Variants in FIGN observed in about 807,000 individuals in gnomAD.
FIGN encodes the protein fidgetin.
In FIGN, 11 loss-of-function variants were observed where a neutral mutation model predicts 51.3. The ratio of observed to expected loss-of-function variants is 0.21; its 90% confidence interval spans 0.13 to 0.35. The LOEUF (loss-of-function observed/expected upper bound fraction) is 0.35. Among genes scored for constraint, FIGN ranks in the 10% least tolerant of loss-of-function variants. The probability of loss-of-function intolerance (pLI) is 1.00; values close to 1 mark genes in which losing one functional copy is unlikely to be tolerated. For synonymous variants in FIGN, 407 were observed against 363.2 expected (o/e 1.12, Z -1.37); for missense variants, 857 against 943.6 (o/e 0.91, Z 1.20).
intron 2 of FIGN, among the ~76,000 whole-genome samples, chr2:163,676,434 AATATATATATATATATATATATATAT>A (rs202072418): frequency 0.063 from 4,183 of 65,876 alleles, 431 homozygotes; most frequent in East Asian, 0.44. Flanking sequence ...GGATTCCTGG[AATATATATATATATATATATATATAT>A]ATATATATAT....
At chr2:163,709,675 C>T (rs1318306477) in intron 2 of FIGN, among the ~76,000 whole-genome samples, 1 of 152,090 alleles carries the variant, frequency 6.6e-6, no homozygotes, top group East Asian at 1.9e-4. Flanking sequence ...ATTCCATTAC[C>T]CGAGAAGCCC....
intron 2 of FIGN, among the ~76,000 whole-genome samples, chr2:163,651,994 G>A (rs1411056779): frequency 6.6e-6 from 1 of 152,198 alleles, no homozygotes; most frequent in East Asian, 1.9e-4. Flanking sequence ...GCTATCTTAA[G>A]GACATCTGCA....
intron 2 of FIGN, among the ~76,000 whole-genome samples, chr2:163,728,690 G>A (rs529257067): frequency 1.3e-5 from 2 of 152,238 alleles, no homozygotes; most frequent in African/African-American, 4.8e-5. Flanking sequence ...TTCTACAAAG[G>A]TGGCCCCAGA....
rs147417821 is a variant in FIGN at position 163,715,971 on chromosome 2, A to G, written c.25+18932T>C. ...ATGCAAATTCTACCTCTGGTAAAAT[A>G]AAAACATATTTTAAGCAGCTTATAG... On this transcript the variant is annotated intron_variant, in intron 2 of 2. Coordinates refer to ENST00000333129, the MANE Select transcript of FIGN (RefSeq NM_018086.4). 2.0e-5 allele frequency among the ~76,000 whole-genome samples: 3 copies of G among 152,342 alleles called. No individual in the cohort carries two copies. In the East Asian group the frequency reaches 5.8e-4, roughly 29 times the overall value.
intron 2 of FIGN, among the ~76,000 whole-genome samples, chr2:163,733,407 C>T (rs1684962159): frequency 6.6e-6 from 1 of 152,180 alleles, no homozygotes; most frequent in African/African-American, 2.4e-5. Flanking sequence ...CTGCTCTCAG[C>T]ACATTGTCCG....
intron 2 of FIGN, among the ~76,000 whole-genome samples, chr2:163,721,269 C>T (rs1192061882): frequency 6.6e-6 from 1 of 152,084 alleles, no homozygotes; most frequent in African/African-American, 2.4e-5. Flanking sequence ...TAAATATTCC[C>T]TGGATTTAAG....
chr2:163,735,556 G>C (rs1223264691), intron 1 of FIGN, among the ~76,000 whole-genome samples: 1 of 152,088 alleles, frequency 6.6e-6, no homozygotes, highest in Non-Finnish European at 1.5e-5. Context: ...GCCCAATATA[G>C]CGAAAAGCGA....
intron 2 of FIGN, among the ~76,000 whole-genome samples, chr2:163,682,618 A>C (rs1032972919): frequency 2.0e-5 from 3 of 152,244 alleles, no homozygotes; most frequent in African/African-American, 7.2e-5. Context: ...AGGCAGAAGT[A>C]GGATGAGACC....
chr2:163,694,651 C>G (rs557637993), intron 2 of FIGN, among the ~76,000 whole-genome samples: 1 of 152,236 alleles, frequency 6.6e-6, no homozygotes, highest in African/African-American at 2.4e-5. Context: ...GGGACAAGAT[C>G]ATATAGCCAT....
intron 2 of FIGN, among the ~76,000 whole-genome samples, chr2:163,619,722 C>T (rs1682936886): frequency 1.3e-5 from 2 of 152,040 alleles, no homozygotes; most frequent in Admixed American, 6.6e-5. Context: ...ACCACTGAGC[C>T]TAGATTCACT....
At chr2:163,639,652 A>G (rs1187977008) in intron 2 of FIGN, among the ~76,000 whole-genome samples, 3 of 152,134 alleles carry the variant, frequency 2.0e-5, no homozygotes, top group Non-Finnish European at 2.9e-5. Context: ...TTCAGTGGGG[A>G]ATGGACCCAG....
At chr2:163,696,193 A>G (rs1684316136) in intron 2 of FIGN, among the ~76,000 whole-genome samples, 1 of 152,146 alleles carries the variant, frequency 6.6e-6, no homozygotes, top group Non-Finnish European at 1.5e-5. Context: ...GTGATCTAAA[A>G]AGAAGAAGAC....
intron 2 of FIGN, among the ~76,000 whole-genome samples, chr2:163,717,895 A>C (rs912721633): frequency 6.6e-6 from 1 of 152,194 alleles, no homozygotes; most frequent in Non-Finnish European, 1.5e-5. Context: ...ATGTAAATGA[A>C]TGGTTTAAAT....
rs371600983 is a variant in FIGN, at chr2:163,705,483, C to T, written c.25+29420G>A. Among the ~76,000 whole-genome samples, 97 of 152,076 alleles carry T rather than the reference C, an allele frequency of 6.4e-4. 1 individual carries two copies. Among genetic ancestry groups the T allele is most frequent in the African/African-American group, 2.3e-3 (94 of 41,514 alleles). On this transcript the variant is annotated intron_variant, in intron 2 of 2. Coordinates refer to ENST00000333129, the MANE Select transcript of FIGN (RefSeq NM_018086.4). Reference sequence around the variant, plus strand: ...CCCAGAGAGGTTGTGTTTTTACCTGCTTAATTTCAAGACAATGGCAGAACT... The same window carrying T: ...CCCAGAGAGGTTGTGTTTTTACCTGTTTAATTTCAAGACAATGGCAGAACT...
At chr2:163,675,615 ATGTGCGCATGCCCAGCCCT>A (rs1305792372) in intron 2 of FIGN, among the ~76,000 whole-genome samples, 1 of 151,316 alleles carries the variant, frequency 6.6e-6, no homozygotes, top group East Asian at 1.9e-4. Context: ...AGATATCTGC[ATGTGCGCATGCCCAGCCCT>A]TGTGTTTCTA....
At chr2:163,713,448 CCA>C (rs145575229) in intron 2 of FIGN, among the ~76,000 whole-genome samples, 5,782 of 147,714 alleles carry the variant, frequency 0.039, 130 homozygotes, top group Non-Finnish European at 0.047. Flanking sequence ...CTTTCACACA[CCA>C]CACACACACA....
chr2:163,732,008 A>C (rs1381998664), intron 2 of FIGN, among the ~76,000 whole-genome samples: 1 of 152,196 alleles, frequency 6.6e-6, no homozygotes, highest in East Asian at 1.9e-4. Flanking sequence ...ACAAGTATCC[A>C]AAAACTCTAT....
At chr2:163,632,103 G>C (rs910304357) in intron 2 of FIGN, among the ~76,000 whole-genome samples, 1 of 152,108 alleles carries the variant, frequency 6.6e-6, no homozygotes, top group African/African-American at 2.4e-5. Flanking sequence ...AACTGAGATT[G>C]TGCCATTACA....
intron 2 of FIGN, among the ~76,000 whole-genome samples, chr2:163,709,043 T>C (rs1199622515): frequency 1.3e-5 from 2 of 152,208 alleles, no homozygotes; most frequent in Non-Finnish European, 2.9e-5. Context: ...GGTGTCCTTA[T>C]GCATACCAGA....
Sources: allele counts gnomAD v4.1 joint callset (sites outside exome capture counted in the v4.1 genomes callset), GRCh38; gene constraint gnomAD v4.1.1; transcripts MANE v1.5; gene names NCBI Gene and HGNC (gene_info 2026-07-23, HGNC 2026-07-21).